L3MBTL4: variants seen among roughly 807,000 people sequenced by gnomAD.
The protein encoded by L3MBTL4 is lethal(3)malignant brain tumor-like protein 4.
In L3MBTL4, 70 loss-of-function variants were observed where a neutral mutation model predicts 84.5. That is an observed-to-expected ratio of 0.83 (90% CI 0.68 to 1.01). L3MBTL4 has a LOEUF of 1.01. L3MBTL4 is among the 50% of genes least tolerant of loss of function. The pLI is 0.00. For synonymous variants in L3MBTL4, 274 were observed against 259.8 expected, an observed-to-expected ratio of 1.05 and a Z score of -0.52; for missense variants, 715 against 754.8, an observed-to-expected ratio of 0.95 and a Z score of 0.62.
chr18:6,143,171 G>T (rs1452336995), intron 13 of L3MBTL4, among the ~76,000 whole-genome samples: 1 of 152,076 alleles, frequency 6.6e-6, no homozygotes, highest in Non-Finnish European at 1.5e-5. Context: ...ATTGTTTTCA[G>T]TACTATTTTA....
At chr18:6,331,154 C>T (rs2052012395) in intron 1 of L3MBTL4, among the ~76,000 whole-genome samples, 1 of 151,824 alleles carries the variant, frequency 6.6e-6, no homozygotes, top group Non-Finnish European at 1.5e-5. Flanking sequence ...TTATTCCTAT[C>T]TGGGGATAGA....
chr18:5,983,064 T>C (rs2053307755), intron 16 of L3MBTL4, among the ~76,000 whole-genome samples: 1 of 152,188 alleles, frequency 6.6e-6, no homozygotes, highest in Non-Finnish European at 1.5e-5. Flanking sequence ...TGAAAACTGA[T>C]GCGATTTTGT....
chr18:6,163,282 T>G (rs1203093272), intron 13 of L3MBTL4, among the ~76,000 whole-genome samples: 4 of 118,356 alleles, frequency 3.4e-5, no homozygotes, highest in South Asian at 3.1e-4. Context: ...GGTGTGTGTG[T>G]GTGTGTGTGT....
chr18:6,021,731 G>T (rs759953664), intron 16 of L3MBTL4, among the ~76,000 whole-genome samples: 2 of 152,074 alleles, frequency 1.3e-5, no homozygotes, highest in Non-Finnish European at 2.9e-5. Context: ...CCATTGCATG[G>T]CGCACCTCTG....
intron 14 of L3MBTL4, among the ~76,000 whole-genome samples, chr18:6,116,186 C>G (rs1260167322): frequency 6.6e-6 from 1 of 152,026 alleles, no homozygotes; most frequent in Non-Finnish European, 1.5e-5. Context: ...TTTAAAAGGA[C>G]CACAGGGTTC....
At chr18:6,252,424 C>CA (rs10683991) in intron 5 of L3MBTL4, among the ~76,000 whole-genome samples, 32 of 151,504 alleles carry the variant, frequency 2.1e-4, no homozygotes, top group South Asian at 1.0e-3. Flanking sequence ...CATTTTTTAT[C>CA]AAAAAAAACA....
chr18:6,242,146 C>G (rs1441625286), intron 7 of L3MBTL4, among the ~76,000 whole-genome samples: 1 of 152,180 alleles, frequency 6.6e-6, no homozygotes, highest in Non-Finnish European at 1.5e-5. Flanking sequence ...CCTTCCAGGC[C>G]TGGGAACACC....
intron 16 of L3MBTL4, among the ~76,000 whole-genome samples, chr18:6,041,435 C>G (rs1017072626): frequency 4.0e-5 from 6 of 150,120 alleles, no homozygotes; most frequent in Non-Finnish European, 7.4e-5. Flanking sequence ...CTTCATTGTC[C>G]TTTTCTTCAG....
chr18:6,002,884 C>CA (rs1452651014), intron 16 of L3MBTL4, among the ~76,000 whole-genome samples: 1 of 151,374 alleles, frequency 6.6e-6, no homozygotes, highest in Non-Finnish European at 1.5e-5. Flanking sequence ...ACTCTCTAAT[C>CA]AAAAAACAAA....
intron 1 of L3MBTL4, among the ~76,000 whole-genome samples, chr18:6,328,299 C>T (rs748347585): frequency 3.9e-5 from 6 of 152,146 alleles, no homozygotes; most frequent in Non-Finnish European, 8.8e-5. Flanking sequence ...AATGACTTGC[C>T]TAAGCTCATG....
chr18:6,036,074 G>A (rs996880434), intron 16 of L3MBTL4, among the ~76,000 whole-genome samples: 2 of 152,126 alleles, frequency 1.3e-5, no homozygotes, highest in Admixed American at 6.5e-5. Flanking sequence ...TTGAGGATAA[G>A]CTTAAGGATC....
rs137999839 is a variant in L3MBTL4 at position 6,007,945 on chromosome 18, A to G, written c.1445-38383T>C. The stretch of plus-strand genomic sequence containing the variant: ...CTACTAAGTTTGCTTGCTTATGCCT[A>G]AAGAAACTCAAGGATACATGAGACT... On this transcript the variant is annotated intron_variant, in intron 16 of 18. Transcript: ENST00000317931. Among the ~76,000 whole-genome samples, 6 of 152,358 alleles carry G rather than the reference A, an allele frequency of 3.9e-5. No homozygotes were observed. The East Asian group carries it at 1.2e-3, about 29-fold the overall frequency.
At chr18:6,282,640 C>T (rs576400504) in intron 4 of L3MBTL4, among the ~76,000 whole-genome samples, 1 of 152,274 alleles carries the variant, frequency 6.6e-6, no homozygotes, top group East Asian at 1.9e-4. Context: ...TCGCCCACAT[C>T]CTATCCTACA....
chr18:6,279,431 C>T (rs1055611026), intron 4 of L3MBTL4, among the ~76,000 whole-genome samples: 1 of 152,044 alleles, frequency 6.6e-6, no homozygotes, highest in African/African-American at 2.4e-5. Flanking sequence ...AAGAAACTGC[C>T]AAACAGATGG....
chr18:6,304,020 A>AC (rs1383477643), intron 3 of L3MBTL4, among the ~76,000 whole-genome samples: 10 of 146,296 alleles, frequency 6.8e-5, no homozygotes, highest in African/African-American at 2.6e-4. Flanking sequence ...ATCTCAAAAA[A>AC]AAAAAAAAAC....
intron 16 of L3MBTL4, among the ~76,000 whole-genome samples, chr18:5,995,358 G>A (rs975602413): frequency 4.6e-5 from 7 of 152,226 alleles, no homozygotes; most frequent in Admixed American, 6.5e-5. Context: ...AAGCCATGCC[G>A]GGGGCCAAAG....
intron 16 of L3MBTL4, among the ~76,000 whole-genome samples, chr18:6,023,328 T>C (rs2145523113): frequency 6.6e-6 from 1 of 152,212 alleles, no homozygotes; most frequent in South Asian, 2.1e-4. Context: ...ATTCATGATG[T>C]GGAAAGATAA....
chr18:6,215,691 G>C, intron 11 of L3MBTL4, 59 bp downstream of exon 11: 1 of 867,876 alleles, frequency 1.2e-6, no homozygotes, highest in Non-Finnish European at 1.8e-6. Flanking sequence ...GCCAAATGTA[G>C]GCATGACTCA....
At chr18:6,307,716 G>A (rs1210805866) in intron 3 of L3MBTL4, among the ~76,000 whole-genome samples, 2 of 152,068 alleles carry the variant, frequency 1.3e-5, no homozygotes, top group Non-Finnish European at 2.9e-5. Flanking sequence ...TTTTGAGAAT[G>A]AAAAATGTCT....
Sources: gnomAD v4.1 joint callset for allele counts (sites outside exome capture counted in the v4.1 genomes callset) on GRCh38, gnomAD v4.1.1 for gene constraint, MANE v1.5 for transcripts, NCBI Gene and HGNC (gene_info 2026-07-23, HGNC 2026-07-21) for gene names.